DRC9: variants seen among roughly 807,000 people sequenced by gnomAD.
DRC9 encodes dynein regulatory complex subunit 9.
the DRC9 span, among the ~76,000 whole-genome samples, chr3:197,894,191 A>C: frequency 6.6e-6 from 1 of 152,206 alleles, no homozygotes; most frequent in East Asian, 1.9e-4. Context: ...CCTCATATAT[A>C]AAATTCTATA....
chr3:197,954,270 T>G, the DRC9 span: 4 of 936,252 alleles, frequency 4.3e-6, no homozygotes, highest in Non-Finnish European at 6.9e-6. Context: ...GCTGCAAAAT[T>G]TGTGTATTGC....
the DRC9 span, among the ~76,000 whole-genome samples, chr3:197,924,800 G>T: frequency 6.6e-6 from 1 of 151,946 alleles, no homozygotes; most frequent in Non-Finnish European, 1.5e-5. Context: ...TTATAGGCGT[G>T]AGCCACCGCG....
the DRC9 span, chr3:197,945,794 T>A: frequency 1.7e-6 from 1 of 584,426 alleles, no homozygotes; most frequent in Admixed American, 3.5e-5. Context: ...ACGGGAGCTG[T>A]GACTATCGCC....
chr3:197,951,994 G>A, the DRC9 span, among the ~76,000 whole-genome samples: 2 of 152,260 alleles, frequency 1.3e-5, no homozygotes, highest in East Asian at 1.9e-4. Flanking sequence ...TCTGAGGGTG[G>A]TGTTGGATTT....
the DRC9 span, chr3:197,944,156 C>T: frequency 0.24 from 228,164 of 966,338 alleles, 35,672 homozygotes; most frequent in African/African-American, 0.73. Flanking sequence ...ATATTCACAT[C>T]GTCGTATAAT....
chr3:197,899,082 G>A, the DRC9 span, among the ~76,000 whole-genome samples: 1 of 152,066 alleles, frequency 6.6e-6, no homozygotes, highest in Non-Finnish European at 1.5e-5. Context: ...CTAGGGAGAC[G>A]TAAGTTACAA....
At chr3:197,926,973 T>C in the DRC9 span, among the ~76,000 whole-genome samples, 1 of 152,072 alleles carries the variant, frequency 6.6e-6, no homozygotes, top group Non-Finnish European at 1.5e-5. Context: ...ACACAAACAG[T>C]AAATGGCAGA....
the DRC9 span, among the ~76,000 whole-genome samples, chr3:197,947,692 G>A: frequency 6.6e-6 from 1 of 152,164 alleles, no homozygotes; most frequent in South Asian, 2.1e-4. Flanking sequence ...GACCCGTATG[G>A]AGTATATCCA....
the DRC9 span, among the ~76,000 whole-genome samples, chr3:197,896,021 T>G: frequency 6.2e-5 from 8 of 128,916 alleles, no homozygotes; most frequent in Non-Finnish European, 1.3e-4. Context: ...CTGGGATGCA[T>G]TGTCAGAAAA....
the DRC9 span, among the ~76,000 whole-genome samples, chr3:197,889,955 T>G: frequency 6.6e-6 from 1 of 152,216 alleles, no homozygotes; most frequent in Admixed American, 6.5e-5. Flanking sequence ...GGAATCTGAT[T>G]TGACCTATTT....
At chr3:197,943,930 C>A in the DRC9 span, 6 of 1,614,118 alleles carry the variant, frequency 3.7e-6, no homozygotes, top group Middle Eastern at 1.6e-4. Context: ...GGGATGATTT[C>A]TATGTCTGTT....
At chr3:197,914,457 A>G in the DRC9 span, among the ~76,000 whole-genome samples, 1 of 152,114 alleles carries the variant, frequency 6.6e-6, no homozygotes, top group Non-Finnish European at 1.5e-5. Context: ...CAAACACCCA[A>G]CCTGCCTGAA....
chr3:197,889,400 A>C, the DRC9 span: 22 of 703,636 alleles, frequency 3.1e-5, no homozygotes, highest in Non-Finnish European at 5.1e-5. Flanking sequence ...TCAGGGTTTG[A>C]AAACCCACCT....
the DRC9 span, among the ~76,000 whole-genome samples, chr3:197,897,920 G>A: frequency 2.0e-5 from 3 of 148,890 alleles, no homozygotes; most frequent in Non-Finnish European, 3.0e-5. Flanking sequence ...ACAGGCACCC[G>A]CCACCACGCC....
chr3:197,903,615 G>A, the DRC9 span, among the ~76,000 whole-genome samples: 2 of 152,156 alleles, frequency 1.3e-5, no homozygotes, highest in African/African-American at 4.8e-5. Context: ...CAGCTTGGGC[G>A]AGAGAGCAAG....
the DRC9 span, among the ~76,000 whole-genome samples, chr3:197,924,348 A>G: frequency 6.6e-6 from 1 of 152,198 alleles, no homozygotes; most frequent in South Asian, 2.1e-4. Context: ...GATGGAGTGG[A>G]CAGGGTGAGA....
chr3:197,932,131 C>T, the DRC9 span: 10 of 1,592,998 alleles, frequency 6.3e-6, no homozygotes. Flanking sequence ...TGTTTTAGCA[C>T]TTTAAAATAC....
the DRC9 span, among the ~76,000 whole-genome samples, chr3:197,939,808 G>A: frequency 1.3e-5 from 2 of 151,676 alleles, no homozygotes; most frequent in Admixed American, 6.6e-5. Context: ...GCGCGATCTC[G>A]GCTCACTGTG....
At chr3:197,950,205 T>G in the DRC9 span, 1 of 1,231,552 alleles carries the variant, frequency 8.1e-7, no homozygotes, top group Middle Eastern at 3.1e-4. Context: ...CTTACCGCCA[T>G]CTTGGCTCCT....
Sources: gnomAD v4.1 joint callset for allele counts (sites outside exome capture counted in the v4.1 genomes callset) on GRCh38, gnomAD v4.1.1 for gene constraint, MANE v1.5 for transcripts, NCBI Gene and HGNC (gene_info 2026-07-23, HGNC 2026-07-21) for gene names.